The following NALF1 variants were observed in gnomAD, a reference collection of about 807,000 sequenced individuals.
The protein encoded by NALF1 is family with sequence similarity 155 member A.
In NALF1, 3 loss-of-function variants were observed where a neutral mutation model predicts 48.4. That is an observed-to-expected ratio of 0.06 (90% CI 0.03 to 0.16). NALF1 has a LOEUF of 0.16. Among genes scored for constraint, NALF1 ranks in the 10% least tolerant of loss-of-function variants. NALF1 has a pLI of 1.00. For missense variants in NALF1, 526 were observed against 571.5 expected, an observed-to-expected ratio of 0.92 and a Z score of 0.81; for synonymous variants, 262 against 245.7, an observed-to-expected ratio of 1.07 and a Z score of -0.62.
chr13:107,226,691 A>G (rs1880114362), intron 1 of NALF1, among the ~76,000 whole-genome samples: 2 of 152,246 alleles, frequency 1.3e-5, no homozygotes, highest in Admixed American at 6.5e-5. Flanking sequence ...AATGCAACAT[A>G]TTTACAAAAG....
rs375800659 is a variant in NALF1, at chr13:107,288,219, C to CTTT, written c.916-77467_916-77465dup. ...TTAAGAAATATATATGATCTGAAGA[C>CTTT]TTTTTTTTTTTTTTTTTTGAGACGG... On this transcript the variant is annotated intron_variant, in intron 1 of 2. Transcript: ENST00000375915. Among the ~76,000 whole-genome samples, 50 of 125,128 alleles carry CTTT rather than the reference C, an allele frequency of 4.0e-4. 2 individuals carry two copies. The highest frequency in any genetic ancestry group is 7.7e-4 in the African/African-American group (26 of 33,732). 82.1% of individuals were successfully genotyped at this position (125,128 alleles called of 152,430 possible).
At chr13:107,355,897 G>T (rs1566494038) in intron 1 of NALF1, among the ~76,000 whole-genome samples, 1 of 152,120 alleles carries the variant, frequency 6.6e-6, no homozygotes, top group Non-Finnish European at 1.5e-5. Context: ...ATTTTAATAT[G>T]GTAGGACATC....
At chr13:107,348,206 A>T (rs1882808543) in intron 1 of NALF1, among the ~76,000 whole-genome samples, 1 of 152,210 alleles carries the variant, frequency 6.6e-6, no homozygotes, top group African/African-American at 2.4e-5. Flanking sequence ...AATCAGAGGC[A>T]TTTTCAGAAG....
intron 1 of NALF1, among the ~76,000 whole-genome samples, chr13:107,841,680 CTTTGT>C (rs943469289): frequency 2.0e-5 from 3 of 151,016 alleles, no homozygotes; most frequent in East Asian, 1.9e-4. Flanking sequence ...GTTTGTTTGA[CTTTGT>C]TTTGTTTTAT....
intron 1 of NALF1, among the ~76,000 whole-genome samples, chr13:107,770,586 T>C (rs963880425): frequency 6.6e-6 from 1 of 152,214 alleles, no homozygotes; most frequent in African/African-American, 2.4e-5. Context: ...CACAAGTAAG[T>C]AATATGAACT....
chr13:107,516,317 A>T (rs1876049882), intron 1 of NALF1, among the ~76,000 whole-genome samples: 1 of 152,194 alleles, frequency 6.6e-6, no homozygotes, highest in African/African-American at 2.4e-5. Flanking sequence ...TCAGTGTGGC[A>T]GAAAGCATTG....
intron 1 of NALF1, among the ~76,000 whole-genome samples, chr13:107,533,099 A>C (rs1056924010): frequency 1.3e-5 from 2 of 152,094 alleles, no homozygotes; most frequent in African/African-American, 2.4e-5. Context: ...CATTCTACTA[A>C]AATTAATATC....
intron 1 of NALF1, among the ~76,000 whole-genome samples, chr13:107,461,205 T>G (rs1421628699): frequency 7.2e-5 from 11 of 152,128 alleles, no homozygotes; most frequent in Admixed American, 6.5e-4. Context: ...GATAAATAAT[T>G]TATATGCTTT....
At chr13:107,782,622 G>C (rs1368981198) in intron 1 of NALF1, among the ~76,000 whole-genome samples, 4 of 151,540 alleles carry the variant, frequency 2.6e-5, no homozygotes, top group South Asian at 2.1e-4. Flanking sequence ...GCCTCTTCCC[G>C]GCCGCCATCC....
chr13:107,513,961 T>C (rs930332402), intron 1 of NALF1, among the ~76,000 whole-genome samples: 2 of 152,168 alleles, frequency 1.3e-5, no homozygotes, highest in African/African-American at 2.4e-5. Flanking sequence ...AGACCTTTAT[T>C]TTATGGAGAG....
At chr13:107,508,104 T>C (rs1875761098) in intron 1 of NALF1, among the ~76,000 whole-genome samples, 1 of 152,170 alleles carries the variant, frequency 6.6e-6, no homozygotes, top group African/African-American at 2.4e-5. Context: ...ATTTGGCCAT[T>C]AATAGAAACA....
chr13:107,774,201 T>C (rs970855190), intron 1 of NALF1, among the ~76,000 whole-genome samples: 4 of 152,224 alleles, frequency 2.6e-5, no homozygotes, highest in South Asian at 2.1e-4. Context: ...AATTTAAATA[T>C]GTGTATTTGT....
intron 1 of NALF1, among the ~76,000 whole-genome samples, chr13:107,815,706 T>C (rs1380186819): frequency 1.3e-5 from 2 of 152,138 alleles, no homozygotes; most frequent in African/African-American, 2.4e-5. Context: ...AGAAGCATTA[T>C]CCATAGTAGC....
chr13:107,763,571 G>A (rs1174348686), intron 1 of NALF1, among the ~76,000 whole-genome samples: 1 of 149,818 alleles, frequency 6.7e-6, no homozygotes, highest in Non-Finnish European at 1.5e-5. Flanking sequence ...AATTTTTCTT[G>A]AAGCTTTGGG....
intron 1 of NALF1, among the ~76,000 whole-genome samples, chr13:107,415,628 A>T (rs1416095258): frequency 6.6e-6 from 1 of 152,208 alleles, no homozygotes; most frequent in Non-Finnish European, 1.5e-5. Flanking sequence ...TGCTGCCACA[A>T]CAGTCAGTTC....
intron 1 of NALF1, among the ~76,000 whole-genome samples, chr13:107,723,522 AG>A (rs1252077514): frequency 2.0e-5 from 3 of 152,230 alleles, no homozygotes; most frequent in Admixed American, 2.0e-4. Context: ...TTTTAAACCA[AG>A]TACAAAAGAT....
chr13:107,790,775 T>A (rs549550212), intron 1 of NALF1, among the ~76,000 whole-genome samples: 1 of 152,272 alleles, frequency 6.6e-6, no homozygotes, highest in South Asian at 2.1e-4. Context: ...AAAAAATGCA[T>A]AGAAAATGGG....
chr13:107,820,871 C>A (rs1879341904), intron 1 of NALF1, among the ~76,000 whole-genome samples: 1 of 152,146 alleles, frequency 6.6e-6, no homozygotes, highest in South Asian at 2.1e-4. Context: ...CAGCAAAATG[C>A]CCCTGCCATG....
intron 1 of NALF1, among the ~76,000 whole-genome samples, chr13:107,295,057 G>C (rs1881699721): frequency 6.6e-6 from 1 of 151,994 alleles, no homozygotes; most frequent in African/African-American, 2.4e-5. Flanking sequence ...GGTAGATTGT[G>C]TGATGCTGAA....
Sources: allele counts gnomAD v4.1 joint callset (sites outside exome capture counted in the v4.1 genomes callset), GRCh38; gene constraint gnomAD v4.1.1; transcripts MANE v1.5; gene names NCBI Gene and HGNC (gene_info 2026-07-23, HGNC 2026-07-21).